The following LRP2BP variants were observed in gnomAD, a reference collection of about 807,000 sequenced individuals.
LRP2BP encodes the protein LRP2 binding protein.
A neutral mutation model predicts 45.2 loss-of-function variants in LRP2BP; 38 were observed. The observed-to-expected ratio is 0.84, with a 90% CI of 0.65 to 1.10. LRP2BP has a LOEUF of 1.10. LRP2BP is among the 50% of genes least tolerant of loss of function. The probability of loss-of-function intolerance (pLI) is 0.00; values close to 1 mark genes in which losing one functional copy is unlikely to be tolerated. For missense variants in LRP2BP, 385 were observed against 418.9 expected, an observed-to-expected ratio of 0.92 and a Z score of 0.71; for synonymous variants, 153 against 153.9, an observed-to-expected ratio of 0.99 and a Z score of 0.04.
rs781773205 is a variant in LRP2BP at position 185,374,389 on chromosome 4, C to T, written c.403G>A (p.Ala135Thr). 2 of 1,614,148 alleles carry T rather than the reference C, an allele frequency of 1.2e-6. No homozygotes were observed. Among genetic ancestry groups the T allele is most frequent in the South Asian group, 1.1e-5 (1 of 91,074 alleles). Residue 135 changes from alanine (A) to threonine (T), a missense_variant, in exon 5 of 9, where the codon GCT (alanine) becomes ACT (threonine). Transcript: ENST00000505916. ...TAAGCTCTTCCGAGGTTGTAAGCAG[C>T]TGCAAATTTTAAGTGTCTTGCTTTG... ...CPKARHLKFA[A>T]AYNLGRAYYE...
chr4:185,391,344 G>A (rs2095487823), intron 1 of LRP2BP, among the ~76,000 whole-genome samples: 1 of 152,124 alleles, frequency 6.6e-6, no homozygotes, highest in Admixed American at 6.6e-5. Context: ...AAGTCGCTTC[G>A]TTTTCCCCTT....
intron 1 of LRP2BP, among the ~76,000 whole-genome samples, chr4:185,385,166 T>C (rs2095467314): frequency 6.6e-6 from 1 of 152,202 alleles, no homozygotes; most frequent in Non-Finnish European, 1.5e-5. Context: ...GAAACACTGA[T>C]ACGTTCAAAA....
At chr4:185,369,077 A>G (rs1427326842) in intron 8 of LRP2BP, among the ~76,000 whole-genome samples, 2 of 152,010 alleles carry the variant, frequency 1.3e-5, no homozygotes, top group African/African-American at 4.8e-5. Context: ...TACAGGCATG[A>G]GCCACGGTAC....
chr4:185,397,093 A>G (rs2095505485), upstream of LRP2BP: 2 of 1,609,178 alleles, frequency 1.2e-6, no homozygotes, highest in Admixed American at 1.7e-5. Context: ...TCCAGCCCGG[A>G]GGGGCGCGGG....
rs1380827704 is a variant in LRP2BP, at chr4:185,366,925, C to T, written c.*255G>A. ...CTTGCTGTATAGAATGGTTTTAATA[C>T]TTGATATGGTCTCGGCCAGTCTGTA... On this transcript the variant is annotated 3_prime_UTR_variant, in exon 9 of 9. Coordinates refer to ENST00000505916, the MANE Select transcript of LRP2BP (RefSeq NM_001377440.1). 1.2e-5 allele frequency: 4 copies of T among 332,178 alleles called. No individual in the cohort carries two copies. Among genetic ancestry groups the T allele is most frequent in the Admixed American group, 9.3e-5 (2 of 21,558 alleles). The allele number at this position is 332,178 out of a possible 1,614,324, so 20.6% of individuals were successfully genotyped here. A position where few individuals can be genotyped will look rare whatever the true frequency, so the allele number is the denominator to read the frequency against.
intron 3 of LRP2BP, 134 bp from the exon 4 acceptor site, chr4:185,375,860 G>A: frequency 2.0e-6 from 1 of 488,982 alleles, no homozygotes; most frequent in Non-Finnish European, 3.7e-6. Flanking sequence ...CTGAACCCAT[G>A]CCCCACGCTG....
At chr4:185,391,457 T>C (rs902584276) in intron 1 of LRP2BP, among the ~76,000 whole-genome samples, 2 of 152,242 alleles carry the variant, frequency 1.3e-5, no homozygotes, top group Admixed American at 6.5e-5. Context: ...CATTAAACAT[T>C]TGAAATTCTT....
intron 1 of LRP2BP, among the ~76,000 whole-genome samples, chr4:185,387,612 C>T (rs1159880329): frequency 6.6e-6 from 1 of 152,216 alleles, no homozygotes; most frequent in Non-Finnish European, 1.5e-5. Flanking sequence ...TGTGGACCTG[C>T]ATGTTTCTCT....
At chr4:185,376,689 T>C (rs1399741964) in intron 3 of LRP2BP, among the ~76,000 whole-genome samples, 1 of 152,168 alleles carries the variant, frequency 6.6e-6, no homozygotes, top group East Asian at 1.9e-4. Flanking sequence ...CTAAAACGAC[T>C]CCCATAAATG....
At position 185,372,892 on chromosome 4, in the gene LRP2BP, A is replaced by C; in HGVS notation, c.767T>G (p.Met256Arg). 1 of 1,609,994 alleles carries C rather than the reference A, an allele frequency of 6.2e-7. No individual in the cohort carries two copies. ...TGCAACACACTTTGTAAAAAATTTC[A>C]TCTTATAGTAATACTCCACGAGATT... is the stretch of plus-strand genomic sequence containing the variant. The part of the protein sequence containing the change: ...QGNLVEYYYK[M>R]KFFTKCVAFS... Residue 256 changes from methionine to arginine, a missense_variant, in exon 7 of 9, where the codon ATG becomes AGG. By Grantham distance (91) the Met-to-Arg change is moderately conservative. Coordinates refer to ENST00000505916, the MANE Select transcript of LRP2BP (RefSeq NM_001377440.1).
intron 1 of LRP2BP, among the ~76,000 whole-genome samples, chr4:185,379,435 T>C (rs1217387394): frequency 6.6e-6 from 1 of 152,188 alleles, no homozygotes; most frequent in African/African-American, 2.4e-5. Flanking sequence ...AAGAAAAAAC[T>C]GGCATATTCA....
At chr4:185,397,253 C>G, upstream of LRP2BP, 1 of 1,614,108 alleles carries the variant, frequency 6.2e-7, no homozygotes, top group Non-Finnish European at 8.5e-7. Flanking sequence ...AGCGGCCTTG[C>G]TTGCTTTCTT....
chr4:185,379,319 C>T (rs917744096), intron 1 of LRP2BP, among the ~76,000 whole-genome samples: 2 of 152,168 alleles, frequency 1.3e-5, no homozygotes, highest in East Asian at 1.9e-4. Context: ...AAAACAATCC[C>T]TATCGGATGG....
At chr4:185,381,293 G>C (rs1341409481) in intron 1 of LRP2BP, among the ~76,000 whole-genome samples, 1 of 151,978 alleles carries the variant, frequency 6.6e-6, no homozygotes, top group African/African-American at 2.4e-5. Flanking sequence ...GTATTACATT[G>C]TGTGAATATA....
intron 6 of LRP2BP, 143 bp downstream of exon 6, chr4:185,373,992 A>G (rs1344277435): frequency 1.4e-6 from 1 of 691,380 alleles, no homozygotes; most frequent in Non-Finnish European, 2.4e-6. Context: ...GGGCTTTGAG[A>G]TCCTAAAATG....
chr4:185,376,799 G>T, intron 3 of LRP2BP, 110 bp downstream of exon 3: 3 of 708,332 alleles, frequency 4.2e-6, no homozygotes, highest in African/African-American at 1.8e-5. Context: ...CGATGTAATT[G>T]GACAGAATTT....
chr4:185,387,127 C>T (rs978314888), intron 1 of LRP2BP, among the ~76,000 whole-genome samples: 1 of 152,116 alleles, frequency 6.6e-6, no homozygotes, highest in Admixed American at 6.6e-5. Flanking sequence ...TGCCTGTCAT[C>T]CCAGCTACTC....
chr4:185,374,428 C>T lies in LRP2BP; in HGVS notation c.364G>A (p.Asp122Asn), dbSNP rs748953000. 3.7e-6 allele frequency: 6 copies of T among 1,614,046 alleles called. No homozygotes were observed. The South Asian group carries it at 6.6e-5, about 18-fold the overall frequency. Residue 122 changes from aspartate to asparagine, a missense_variant, in exon 5 of 9, where the codon GAT becomes AAT. Transcript: ENST00000505916. ...KGVDYMKKIL[D>N]SPCPKARHLK... ...TGTCTTGCTTTGGGACATGGAGAAT[C>T]AAGAATTTTCTTCATATAGTCCACC...
upstream of LRP2BP, chr4:185,396,686 C>T (rs903277808): frequency 1.7e-5 from 9 of 539,828 alleles, no homozygotes; most frequent in African/African-American, 9.9e-5. Flanking sequence ...CTCCACGTGC[C>T]AGTGTTTGTG....
Sources: gnomAD v4.1 joint callset for allele counts (sites outside exome capture counted in the v4.1 genomes callset) on GRCh38, gnomAD v4.1.1 for gene constraint, MANE v1.5 for transcripts, NCBI Gene and HGNC (gene_info 2026-07-23, HGNC 2026-07-21) for gene names.